HERC3: variants seen among roughly 807,000 people sequenced by gnomAD.
The protein encoded by HERC3 is HECT and RLD domain containing E3 ubiquitin protein ligase 3.
A neutral mutation model predicts 129.9 loss-of-function variants in HERC3; 58 were observed. The observed-to-expected ratio is 0.45, with a 90% CI of 0.36 to 0.56. The LOEUF is 0.56. Among genes scored for constraint, HERC3 ranks in the 20% least tolerant of loss-of-function variants. The pLI, the probability that HERC3 is intolerant of heterozygous loss-of-function variation, is 0.00. For synonymous variants in HERC3, 430 were observed against 451.0 expected, an observed-to-expected ratio of 0.95 and a Z score of 0.59; for missense variants, 835 against 1,244.2, an observed-to-expected ratio of 0.67 and a Z score of 4.95.
At chr4:88,576,285 A>G in the HERC3 span, among the ~76,000 whole-genome samples, 1 of 152,152 alleles carries the variant, frequency 6.6e-6, no homozygotes, top group Admixed American at 6.6e-5. Flanking sequence ...CCGTCTTTCC[A>G]GGTGCCAGTG....
intron 1 of HERC3, chr4:88,593,151 T>A (rs993102621): frequency 6.6e-6 from 1 of 152,008 alleles, no homozygotes; most frequent in Non-Finnish European, 1.5e-5. Flanking sequence ...CCGGCAGGGC[T>A]GCGGGGCCCG....
chr4:88,666,528 T>A (rs1731062623), intron 12 of HERC3, among the ~76,000 whole-genome samples: 1 of 152,184 alleles, frequency 6.6e-6, no homozygotes, highest in Non-Finnish European at 1.5e-5. Flanking sequence ...ATACATATAA[T>A]TATGATTTTT....
chr4:88,608,309 G>T (rs1020950314), intron 3 of HERC3, among the ~76,000 whole-genome samples: 5 of 152,144 alleles, frequency 3.3e-5, no homozygotes, highest in African/African-American at 1.2e-4. Flanking sequence ...CAGGAAGCCC[G>T]CTGTGAGAAA....
At chr4:88,692,030 C>G (rs1056057801) in intron 23 of HERC3, among the ~76,000 whole-genome samples, 13 of 152,162 alleles carry the variant, frequency 8.5e-5, no homozygotes, top group African/African-American at 3.1e-4. Flanking sequence ...TGCTTTCTAT[C>G]CTTGGACAGA....
chr4:88,701,845 C>T (rs995022295), intron 23 of HERC3, among the ~76,000 whole-genome samples: 20 of 150,774 alleles, frequency 1.3e-4, no homozygotes, highest in African/African-American at 4.6e-4. Context: ...CTTTGTCACC[C>T]GGGCTGAAGT....
chr4:88,545,197 A>G, the HERC3 span, among the ~76,000 whole-genome samples: 2 of 152,090 alleles, frequency 1.3e-5, no homozygotes, highest in Admixed American at 1.3e-4. Context: ...TCTCTTTCAC[A>G]TTACATGCCT....
the HERC3 span, among the ~76,000 whole-genome samples, chr4:88,552,890 C>T: frequency 6.6e-6 from 1 of 152,170 alleles, no homozygotes; most frequent in Non-Finnish European, 1.5e-5. Flanking sequence ...GATATCTTCC[C>T]TCTTTCGCTA....
the HERC3 span, among the ~76,000 whole-genome samples, chr4:88,546,193 T>G: frequency 6.6e-6 from 1 of 152,182 alleles, no homozygotes; most frequent in Non-Finnish European, 1.5e-5. Flanking sequence ...ACAGAATGAT[T>G]GGGGTCTCTA....
the HERC3 span, among the ~76,000 whole-genome samples, chr4:88,545,172 T>G: frequency 6.6e-6 from 1 of 152,208 alleles, no homozygotes; most frequent in Admixed American, 6.5e-5. Context: ...TCCTACTGGC[T>G]TGGTATAAAA....
At chr4:88,545,448 T>G in the HERC3 span, among the ~76,000 whole-genome samples, 2 of 150,146 alleles carry the variant, frequency 1.3e-5, no homozygotes, top group African/African-American at 4.9e-5. Flanking sequence ...TTTTTTTTTT[T>G]TTTAGATAGG....
intron 4 of HERC3, 64 bp downstream of exon 4, chr4:88,650,063 C>A: frequency 6.7e-7 from 1 of 1,492,760 alleles, no homozygotes; most frequent in Non-Finnish European, 9.2e-7. Flanking sequence ...TTGTTAGACT[C>A]CTTGTTTTTC....
At chr4:88,693,047 A>G (rs757591872) in intron 23 of HERC3, 16 of 976,100 alleles carry the variant, frequency 1.6e-5, no homozygotes, top group Non-Finnish European at 1.7e-5. Flanking sequence ...GGTGAAGACA[A>G]TGCTTATATT....
chr4:88,566,014 G>C, the HERC3 span, among the ~76,000 whole-genome samples: 1 of 151,772 alleles, frequency 6.6e-6, no homozygotes, highest in Non-Finnish European at 1.5e-5. Context: ...TACAAGTGTA[G>C]GTTTGTTACA....
At chr4:88,652,476 G>A (rs113093698) in intron 5 of HERC3, among the ~76,000 whole-genome samples, 2,415 of 152,302 alleles carry the variant, frequency 0.016, 58 homozygotes, top group African/African-American at 0.055. Context: ...GCACTTCTGT[G>A]TCCTGCTTGA....
At chr4:88,588,460 A>T (rs1721584358), upstream of HERC3, among the ~76,000 whole-genome samples, 1 of 152,234 alleles carries the variant, frequency 6.6e-6, no homozygotes, top group Non-Finnish European at 1.5e-5. Context: ...CTTCTTTTGG[A>T]CGTGGGGGAC....
chr4:88,607,317 G>T (rs1296807962), intron 3 of HERC3, among the ~76,000 whole-genome samples: 1 of 152,138 alleles, frequency 6.6e-6, no homozygotes, highest in African/African-American at 2.4e-5. Flanking sequence ...TGAATAGTGT[G>T]GTGAGACTGG....
intron 3 of HERC3, among the ~76,000 whole-genome samples, chr4:88,623,731 A>C (rs17014311): frequency 0.049 from 7,488 of 152,264 alleles, 245 homozygotes; most frequent in Middle Eastern, 0.12. Context: ...AGTATTTATA[A>C]AGAATCTTGT....
intron 19 of HERC3, 69 bp from the exon 20 acceptor site, chr4:88,680,024 G>A: frequency 7.4e-7 from 1 of 1,357,614 alleles, no homozygotes; most frequent in East Asian, 2.4e-5. Flanking sequence ...TTAGAAAATG[G>A]TCTGCTAAAA....
chr4:88,653,263 C>G (rs1035947602), intron 6 of HERC3, among the ~76,000 whole-genome samples, 173 bp downstream of exon 6: 2 of 152,174 alleles, frequency 1.3e-5, no homozygotes, highest in Non-Finnish European at 2.9e-5. Flanking sequence ...AGTAGAGGTG[C>G]AACAAAACCA....
Sources: gnomAD v4.1 joint callset for allele counts (sites outside exome capture counted in the v4.1 genomes callset) on GRCh38, gnomAD v4.1.1 for gene constraint, MANE v1.5 for transcripts, NCBI Gene and HGNC (gene_info 2026-07-23, HGNC 2026-07-21) for gene names.